WASF1: variants seen among roughly 807,000 people sequenced by gnomAD.
WASF1 encodes the protein actin-binding protein WASF1.
A neutral mutation model predicts 50.5 loss-of-function variants in WASF1; 7 were observed. That is an observed-to-expected ratio of 0.14 (90% CI 0.08 to 0.26). WASF1 has a LOEUF of 0.26. Ranked by LOEUF, WASF1 falls within the 10% of genes least tolerant of loss-of-function variation. WASF1 has a pLI of 1.00. For missense variants in WASF1, 470 were observed against 694.7 expected (o/e 0.68, Z 3.64); for synonymous variants, 205 against 244.0 (o/e 0.84, Z 1.49).
rs537445455 is a variant in WASF1, at chr6:110,141,971, C to T, written c.-28-14342G>A. ...ATTTTTAGTAGAGACAGGGTTTCAC[C>T]GTGTCAGGCTGGTCTCGAACTCCCG... On this transcript the variant is annotated intron_variant, in intron 3 of 10. Transcript: ENST00000392589. Among the ~76,000 whole-genome samples the T allele has an allele frequency of 2.0e-5, 3 of 152,160 alleles. No individual in the cohort carries two copies. The South Asian group carries it at 6.2e-4, about 32-fold the overall frequency.
chr6:110,142,620 G>T (rs1184663116), intron 3 of WASF1, among the ~76,000 whole-genome samples: 2 of 151,544 alleles, frequency 1.3e-5, no homozygotes, highest in Admixed American at 6.6e-5. Context: ...GGCTAGAAAA[G>T]AATTTTAAAA....
chr6:110,133,923 G>A (rs2114532549), intron 3 of WASF1, among the ~76,000 whole-genome samples: 1 of 152,140 alleles, frequency 6.6e-6, no homozygotes, highest in East Asian at 1.9e-4. Context: ...TCTTGGTCAG[G>A]AACTGTTTGC....
intron 3 of WASF1, among the ~76,000 whole-genome samples, chr6:110,133,379 C>T (rs1416597318): frequency 6.6e-6 from 1 of 151,454 alleles, no homozygotes; most frequent in Non-Finnish European, 1.5e-5. Flanking sequence ...TTATATAATG[C>T]CTTCTTTTCT....
intron 3 of WASF1, among the ~76,000 whole-genome samples, chr6:110,141,531 A>C (rs1775236284): frequency 6.6e-6 from 1 of 152,048 alleles, no homozygotes; most frequent in African/African-American, 2.4e-5. Flanking sequence ...CCGAATTACT[A>C]CCAATTATAC....
At chr6:110,151,145 G>A (rs967513274) in intron 3 of WASF1, among the ~76,000 whole-genome samples, 1 of 152,142 alleles carries the variant, frequency 6.6e-6, no homozygotes, top group Non-Finnish European at 1.5e-5. Flanking sequence ...GGGTCATAGG[G>A]TATATATACA....
At chr6:110,149,117 T>C (rs1775709124) in intron 3 of WASF1, among the ~76,000 whole-genome samples, 1 of 152,186 alleles carries the variant, frequency 6.6e-6, no homozygotes, top group Admixed American at 6.5e-5. Flanking sequence ...TAATGGTATT[T>C]GGGACAGGGG....
At chr6:110,165,318 TTTGC>T (rs2114610793) in intron 2 of WASF1, among the ~76,000 whole-genome samples, 1 of 151,754 alleles carries the variant, frequency 6.6e-6, no homozygotes, top group Admixed American at 6.6e-5. Flanking sequence ...TCTGCTCAAT[TTTGC>T]TATGAACCTA....
At chr6:110,135,580 A>G (rs1461423165) in intron 3 of WASF1, among the ~76,000 whole-genome samples, 1 of 152,064 alleles carries the variant, frequency 6.6e-6, no homozygotes, top group Admixed American at 6.6e-5. Context: ...TGGTAGGGAG[A>G]ATAATGGTCT....
chr6:110,164,434 T>G (rs1776387439), intron 2 of WASF1, among the ~76,000 whole-genome samples: 1 of 151,702 alleles, frequency 6.6e-6, no homozygotes, highest in Non-Finnish European at 1.5e-5. Context: ...ACTGACTGCA[T>G]GATTGCAAAT....
At chr6:110,172,147 T>C (rs1186262539) in intron 2 of WASF1, among the ~76,000 whole-genome samples, 3 of 152,168 alleles carry the variant, frequency 2.0e-5, no homozygotes, top group African/African-American at 7.2e-5. Context: ...GATCTAGAAC[T>C]AGAATTACCA....
chr6:110,159,562 C>T (rs537988168), intron 3 of WASF1, among the ~76,000 whole-genome samples: 10 of 151,946 alleles, frequency 6.6e-5, no homozygotes, highest in South Asian at 2.1e-4. Context: ...AGCCTAATGC[C>T]GGGCTATGGC....
Position 110,100,340 on chromosome 6 carries a change from T to A in WASF1, c.*182A>T, listed in dbSNP as rs1773026667. 2.2e-5 allele frequency: 13 copies of A among 599,250 alleles called. No individual in the cohort carries two copies. In the East Asian group the frequency reaches 4.1e-4, roughly 19 times the overall value. 37.1% of individuals were successfully genotyped at this position (599,250 alleles called of 1,614,324 possible). ...GGGGGAAAAAAAAGATAAGCCACTG[T>A]AAAACATTTAGTTTGAAATGTATGC... On this transcript the variant is annotated 3_prime_UTR_variant, in exon 11 of 11. Transcript: ENST00000392589.
intron 3 of WASF1, among the ~76,000 whole-genome samples, chr6:110,133,647 CATTTTCTCATGT>C (rs1202528519): frequency 1.3e-5 from 2 of 151,990 alleles, no homozygotes; most frequent in African/African-American, 2.4e-5. Context: ...TGATGGTGAC[CATTTTCTCATGT>C]TTTTTGGCCA....
At chr6:110,116,515 A>C (rs1773815549) in intron 4 of WASF1, among the ~76,000 whole-genome samples, 1 of 152,132 alleles carries the variant, frequency 6.6e-6, no homozygotes, top group African/African-American at 2.4e-5. Flanking sequence ...TGAGTAGCTC[A>C]AAGTGTAAAC....
At chr6:110,115,496 G>C (rs1429685123) in intron 4 of WASF1, among the ~76,000 whole-genome samples, 4 of 152,208 alleles carry the variant, frequency 2.6e-5, no homozygotes, top group African/African-American at 4.8e-5. Context: ...GCCAGTAAGG[G>C]AATGTCTTTT....
Position 110,105,649 on chromosome 6 carries a change from CAAATT to C in WASF1, c.541-75_541-71del. On this transcript the variant is annotated intron_variant, in intron 7 of 10. Transcript: ENST00000392589. ...TTTTTAAAAAGGAGGTTATAACAAT[CAAATT>C]AAACTCTAACATCAACACTGAAAAA... The C allele has an allele frequency of 2.1e-6, 3 of 1,417,248 alleles. No homozygotes were observed. In the South Asian group the frequency reaches 3.7e-5, roughly 17 times the overall value. 87.8% of individuals were successfully genotyped at this position (1,417,248 alleles called of 1,614,324 possible).
chr6:110,102,018 T>C lies in WASF1; in HGVS notation c.1092A>G (p.Gln364=). ...PPPPPPATAL[Q]APAVPPPPAP... Reference sequence around the variant, plus strand: ...CTGGAGGTGGTGGTACTGCTGGAGCTTGCAAAGCAGTGGCTGGAGGTGGAG... The same window carrying C: ...CTGGAGGTGGTGGTACTGCTGGAGCCTGCAAAGCAGTGGCTGGAGGTGGAG... Residue 364 remains glutamine, a synonymous_variant, in exon 10 of 11, where the codon CAA becomes CAG. Transcript: ENST00000392589. The C allele has an allele frequency of 6.5e-7, 1 of 1,548,266 alleles. No individual in the cohort carries two copies. Among genetic ancestry groups the C allele is most frequent in the Non-Finnish European group, 8.7e-7 (1 of 1,148,928 alleles).
intron 3 of WASF1, among the ~76,000 whole-genome samples, chr6:110,140,886 A>C (rs904636503): frequency 1.3e-5 from 2 of 152,210 alleles, no homozygotes; most frequent in African/African-American, 4.8e-5. Context: ...TCAACGGTTG[A>C]AAGTCAGGAG....
chr6:110,151,417 G>C (rs1775817896), intron 3 of WASF1, among the ~76,000 whole-genome samples: 1 of 152,072 alleles, frequency 6.6e-6, no homozygotes, highest in Admixed American at 6.5e-5. Context: ...TATTACTCTT[G>C]ATTGAATGCT....
Sources: allele counts gnomAD v4.1 joint callset (sites outside exome capture counted in the v4.1 genomes callset), GRCh38; gene constraint gnomAD v4.1.1; transcripts MANE v1.5; gene names NCBI Gene and HGNC (gene_info 2026-07-23, HGNC 2026-07-21).